DGAT2: variants seen among roughly 807,000 people sequenced by gnomAD.
DGAT2 encodes diacylglycerol O-acyltransferase 2.
Under a neutral mutation model 48.4 loss-of-function variants are expected in DGAT2, and 33 were observed. The ratio of observed to expected loss-of-function variants is 0.68; its 90% CI spans 0.52 to 0.91. DGAT2 has a LOEUF of 0.91. Among genes scored for constraint, DGAT2 ranks in the 40% least tolerant of loss-of-function variants. The pLI is 0.00. For synonymous variants in DGAT2, 191 were observed against 194.1 expected, an observed-to-expected ratio of 0.98 and a Z score of 0.13; for missense variants, 446 against 493.7, an observed-to-expected ratio of 0.90 and a Z score of 0.92.
At chr11:75,798,133 G>T (rs528584556) in intron 6 of DGAT2, 94 bp from the exon 7 acceptor site, 3 of 1,296,238 alleles carry the variant, frequency 2.3e-6, no homozygotes, top group East Asian at 4.6e-5. Context: ...AGCTGGGGGA[G>T]GGGGATGCTT....
intron 1 of DGAT2, among the ~76,000 whole-genome samples, chr11:75,774,200 G>A (rs1422677897): frequency 6.6e-6 from 1 of 152,216 alleles, no homozygotes; most frequent in African/African-American, 2.4e-5. Flanking sequence ...TGGAGCTGCT[G>A]GCTGATTTGA....
At chr11:75,784,165 A>G (rs1165978610) in intron 1 of DGAT2, among the ~76,000 whole-genome samples, 2 of 151,932 alleles carry the variant, frequency 1.3e-5, no homozygotes, top group Non-Finnish European at 2.9e-5. Context: ...ACACTTGGAG[A>G]AAAAAAACCA....
At chr11:75,785,053 A>T (rs1257084834) in intron 2 of DGAT2, among the ~76,000 whole-genome samples, 14 of 152,134 alleles carry the variant, frequency 9.2e-5, no homozygotes, top group Non-Finnish European at 8.8e-5. Context: ...ATCCCTGTCT[A>T]CAGGACCCCC....
intron 4 of DGAT2, 125 bp from the exon 5 acceptor site, chr11:75,796,203 C>T (rs1377848587): frequency 2.8e-5 from 22 of 778,436 alleles, no homozygotes; most frequent in Non-Finnish European, 4.5e-5. Flanking sequence ...TGTGGAGATT[C>T]ATTGCAGCCC....
chr11:75,785,414 G>T (rs1266842819), intron 2 of DGAT2, among the ~76,000 whole-genome samples: 1 of 152,190 alleles, frequency 6.6e-6, no homozygotes, highest in Non-Finnish European at 1.5e-5. Context: ...ACATTCCCCA[G>T]GTGCTTCCCG....
chr11:75,774,758 C>G (rs182727225), intron 1 of DGAT2, among the ~76,000 whole-genome samples: 3 of 152,330 alleles, frequency 2.0e-5, no homozygotes, highest in Admixed American at 2.0e-4. Flanking sequence ...TCTCCCCATG[C>G]TTGCCCATAT....
chr11:75,790,210 C>G lies in DGAT2; in HGVS notation c.273C>G (p.Leu91=). 1.9e-6 allele frequency: 3 copies of G among 1,614,090 alleles called. No individual in the cohort carries two copies. Among genetic ancestry groups the G allele is most frequent in the Non-Finnish European group, 2.5e-6 (3 of 1,180,010 alleles). ...LVLGVACSAI[L]MYIFCTDCWL... Reference sequence around the variant, plus strand: ...CAGGAGTGGCCTGCAGTGCCATCCTCATGTACATATTCTGCACTGATTGCT... The same window carrying G: ...CAGGAGTGGCCTGCAGTGCCATCCTGATGTACATATTCTGCACTGATTGCT... The change falls in exon 3 of 8, where the codon CTC becomes CTG. Residue 91 remains leucine (L), a synonymous_variant. Transcript: ENST00000228027.
chr11:75,784,141 G>C (rs1010646534), intron 1 of DGAT2, among the ~76,000 whole-genome samples: 3 of 152,074 alleles, frequency 2.0e-5, no homozygotes, highest in Non-Finnish European at 4.4e-5. Flanking sequence ...GCAGGGATTG[G>C]GGATGCTCAA....
intron 2 of DGAT2, among the ~76,000 whole-genome samples, chr11:75,786,024 G>A (rs536243339): frequency 2.0e-5 from 3 of 152,322 alleles, no homozygotes; most frequent in South Asian, 2.1e-4. Flanking sequence ...GCCCAAGAAC[G>A]GGCTTTGAGT....
intron 1 of DGAT2, among the ~76,000 whole-genome samples, chr11:75,781,460 AG>A (rs1944862688): frequency 1.3e-5 from 2 of 152,254 alleles, no homozygotes; most frequent in South Asian, 4.1e-4. Flanking sequence ...ATGGTCAGCC[AG>A]GTTGGGATTG....
At chr11:75,797,676 A>T (rs997481199) in intron 6 of DGAT2, among the ~76,000 whole-genome samples, 1 of 152,084 alleles carries the variant, frequency 6.6e-6, no homozygotes, top group Admixed American at 6.5e-5. Flanking sequence ...TGGCTGGGGG[A>T]CAGCAGCTGT....
intron 3 of DGAT2, 25 bp downstream of exon 3, chr11:75,790,320 C>A: frequency 6.4e-7 from 1 of 1,553,436 alleles, no homozygotes; most frequent in Non-Finnish European, 8.9e-7. Context: ...TCCCTTGCCC[C>A]ACCTCTCATT....
At chr11:75,787,887 G>A (rs2135771591) in intron 2 of DGAT2, among the ~76,000 whole-genome samples, 1 of 152,292 alleles carries the variant, frequency 6.6e-6, no homozygotes, top group South Asian at 2.1e-4. Flanking sequence ...CATAGGGGAG[G>A]GGAGGGAGCC....
intron 2 of DGAT2, among the ~76,000 whole-genome samples, chr11:75,786,123 C>G (rs1020033120): frequency 6.6e-6 from 1 of 152,272 alleles, no homozygotes; most frequent in East Asian, 1.9e-4. Context: ...TAGCTGTCCT[C>G]AAAGTCTTAC....
intron 2 of DGAT2, among the ~76,000 whole-genome samples, chr11:75,789,336 A>G (rs2135772871): frequency 6.6e-6 from 1 of 152,184 alleles, no homozygotes; most frequent in Admixed American, 6.5e-5. Flanking sequence ...TTTTTTGTAG[A>G]GATGGAGTCT....
chr11:75,782,024 C>T (rs73504568), intron 1 of DGAT2, among the ~76,000 whole-genome samples: 3,812 of 152,170 alleles, frequency 0.025, 172 homozygotes, highest in African/African-American at 0.087. Context: ...CTGGCCCTGG[C>T]GTCAAGGTAG....
At chr11:75,789,372 A>G (rs1017750478) in intron 2 of DGAT2, among the ~76,000 whole-genome samples, 1 of 152,020 alleles carries the variant, frequency 6.6e-6, no homozygotes, top group African/African-American at 2.4e-5. Flanking sequence ...GCTGGTCTTG[A>G]ATTTCTGAGC....
In DGAT2 at chr11:75,776,730, C is replaced by T. The variant is rs556171385; in HGVS notation, c.121+7618C>T. ...TTCTAATAGCAGTGGGCATGACCCT[C>T]CAGAGATGGCAGCTTTGCCATGACC... On this transcript the variant is annotated intron_variant, in intron 1 of 7. Coordinates refer to ENST00000228027, the MANE Select transcript of DGAT2 (RefSeq NM_032564.5). 6 of 152,330 alleles carry T rather than the reference C, an allele frequency of 3.9e-5. No individual in the cohort carries two copies. The South Asian group carries it at 8.3e-4, about 21-fold the overall frequency. The allele number at this position is 152,330 out of a possible 1,614,324, so 9.4% of individuals were successfully genotyped here.
intron 6 of DGAT2, among the ~76,000 whole-genome samples, 170 bp from the exon 7 acceptor site, chr11:75,798,057 G>C (rs1456900574): frequency 6.6e-6 from 1 of 152,206 alleles, no homozygotes; most frequent in Non-Finnish European, 1.5e-5. Context: ...GGGGCAGAAG[G>C]CCCATCAGAA....
Sources: allele counts gnomAD v4.1 joint callset (sites outside exome capture counted in the v4.1 genomes callset), GRCh38; gene constraint gnomAD v4.1.1; transcripts MANE v1.5; gene names NCBI Gene and HGNC (gene_info 2026-07-23, HGNC 2026-07-21).